The following DST variants were observed in gnomAD, a reference collection of about 807,000 sequenced individuals.
DST encodes dystonin, also known as bullous pemphigoid antigen.
DST carries 253 observed loss-of-function variants against 875.2 expected under a neutral mutation model. The observed-to-expected ratio is 0.29, with a 90% confidence interval of 0.26 to 0.32. The LOEUF is 0.32. Among genes scored for constraint, DST ranks in the 10% least tolerant of loss-of-function variants. The pLI, the probability that DST is intolerant of heterozygous loss-of-function variation, is 1.00. For synonymous variants in DST, 3,124 were observed against 3,197.1 expected, an observed-to-expected ratio of 0.98 and a Z score of 0.77; for missense variants, 8,287 against 9,111.6, an observed-to-expected ratio of 0.91 and a Z score of 3.68.
Position 56,477,581 on chromosome 6 carries a change from A to G in DST, c.21532-93T>C, listed in dbSNP as rs1236132277. On this transcript the variant is annotated intron_variant, in intron 90 of 103. Transcript: ENST00000680361. Reference sequence around the variant, plus strand: ...GTTTGACTGCCAGAATTAAACAAATAAACAAAAACTTCAATTGGTTTATTC... The same window carrying G: ...GTTTGACTGCCAGAATTAAACAAATGAACAAAAACTTCAATTGGTTTATTC... 2.7e-6 allele frequency: 4 copies of G among 1,503,446 alleles called. No homozygotes were observed. The African/African-American group carries it at 5.6e-5, about 21-fold the overall frequency. 93.1% of individuals were successfully genotyped at this position (1,503,446 alleles called of 1,614,324 possible). A position where few individuals can be genotyped will look rare whatever the true frequency, so the allele number is the denominator to read the frequency against.
intron 9 of DST, among the ~76,000 whole-genome samples, chr6:56,682,755 T>C (rs949028586): frequency 3.3e-5 from 5 of 152,164 alleles, no homozygotes; most frequent in Admixed American, 2.6e-4. Flanking sequence ...ACAACGTAAG[T>C]TTTGTTTCAC....
chr6:56,817,437 A>G (rs545593230), intron 4 of DST, among the ~76,000 whole-genome samples: 1 of 152,248 alleles, frequency 6.6e-6, no homozygotes, highest in African/African-American at 2.4e-5. Flanking sequence ...ATGTTTGGAA[A>G]GCAATTTATG....
At chr6:56,782,074 C>A (rs531777719) in intron 4 of DST, among the ~76,000 whole-genome samples, 64 of 152,132 alleles carry the variant, frequency 4.2e-4, no homozygotes, top group African/African-American at 1.5e-3. Context: ...GGATGAAACC[C>A]ACTTGATCAT....
chr6:56,532,257 T>C (rs2096908935), intron 64 of DST, 87 bp downstream of exon 64: 4 of 1,206,626 alleles, frequency 3.3e-6, no homozygotes, highest in Admixed American at 2.0e-5. Context: ...AAATCATGAT[T>C]TGAAGTATTA....
intron 4 of DST, among the ~76,000 whole-genome samples, chr6:56,831,577 T>C (rs941453954): frequency 6.6e-5 from 10 of 152,134 alleles, no homozygotes; most frequent in Admixed American, 3.3e-4. Flanking sequence ...CACTCACATA[T>C]AATGAGTGTA....
At chr6:56,613,796 A>G (rs1443778601) in intron 37 of DST, among the ~76,000 whole-genome samples, 1 of 152,210 alleles carries the variant, frequency 6.6e-6, no homozygotes, top group African/African-American at 2.4e-5. Flanking sequence ...TAGCCCGTTA[A>G]GACTAAAGAA....
Position 56,849,377 on chromosome 6 carries a change from C to T in DST, c.625+2020G>A, listed in dbSNP as rs370076984. Among the ~76,000 whole-genome samples, 13 of 152,138 alleles carry T rather than the reference C, an allele frequency of 8.5e-5. No homozygotes were observed. In the East Asian group the frequency reaches 2.1e-3, roughly 25 times the overall value. On this transcript the variant is annotated intron_variant, in intron 4 of 103. Transcript: ENST00000680361. ...GTCTCGATCTCTTGACCTCATGATC[C>T]GCCCACGGGGGCCTCCCAAAGTGCT...
chr6:56,570,822 A>G (rs188051039), intron 53 of DST, among the ~76,000 whole-genome samples: 39 of 152,356 alleles, frequency 2.6e-4, no homozygotes, highest in Middle Eastern at 3.4e-3. Flanking sequence ...CAGTTTGAAC[A>G]TTATTTACAT....
At chr6:56,770,512 C>A (rs1358369911) in intron 4 of DST, among the ~76,000 whole-genome samples, 1 of 152,170 alleles carries the variant, frequency 6.6e-6, no homozygotes, top group Non-Finnish European at 1.5e-5. Context: ...TGCCCTATTT[C>A]ATTCCATGCA....
At chr6:56,629,141 A>G in intron 32 of DST, 109 bp downstream of exon 32, 1 of 1,081,074 alleles carries the variant, frequency 9.3e-7, no homozygotes, top group South Asian at 1.4e-5. Flanking sequence ...ATTGTAATTA[A>G]CAAATTAACT....
rs113876344 is a variant in DST at position 56,630,044 on chromosome 6, G to C, written c.4281+201C>G. ...GACTATCAAAAGCTACTGTCAAAAG[G>C]GTTCAAACTTCAAATGAGAACTCTC... On this transcript the variant is annotated intron_variant, in intron 31 of 103. Transcript: ENST00000680361. 3.5e-3 allele frequency among the ~76,000 whole-genome samples: 538 copies of C among 152,104 alleles called. 2 individuals carry two copies. The highest frequency in any genetic ancestry group is 0.012 in the African/African-American group (517 of 41,490).
chr6:56,619,439 T>C, intron 36 of DST: 2 of 1,612,288 alleles, frequency 1.2e-6, no homozygotes, highest in African/African-American at 1.3e-5. Context: ...CTCAAATTGT[T>C]CTTTTAGATG....
At position 56,605,772 on chromosome 6, in the gene DST, T is replaced by C; in HGVS notation, c.8856A>G (p.Leu2952=). The change falls in exon 40 of 104, where the codon TTA becomes TTG. Residue 2952 remains leucine, a synonymous_variant. Coordinates refer to ENST00000680361, the MANE Select transcript of DST (RefSeq NM_001374736.1). ...CCTTTGTGTTTGCTAGATCAGTACC[T>C]AATTCAGAAGTTGAACTGATATTAT... ...DNNNISSTSE[L]GTDLANTKVK... 6.2e-7 allele frequency: 1 copy of C among 1,612,736 alleles called. No homozygotes were observed. Among genetic ancestry groups the C allele is most frequent in the Non-Finnish European group, 8.5e-7 (1 of 1,179,280 alleles).
At chr6:56,880,442 C>T (rs1390425509) in intron 3 of DST, among the ~76,000 whole-genome samples, 1 of 152,204 alleles carries the variant, frequency 6.6e-6, no homozygotes, top group African/African-American at 2.4e-5. Flanking sequence ...AATCCCAGCA[C>T]TTTGGGAAGC....
intron 13 of DST, among the ~76,000 whole-genome samples, chr6:56,648,143 C>T (rs2098954600): frequency 6.6e-6 from 1 of 152,106 alleles, no homozygotes; most frequent in African/African-American, 2.4e-5. Flanking sequence ...TCTTCCTGCA[C>T]AAAAGATGCT....
At chr6:56,727,212 C>T (rs1373699101) in intron 5 of DST, among the ~76,000 whole-genome samples, 2 of 152,206 alleles carry the variant, frequency 1.3e-5, no homozygotes, top group African/African-American at 2.4e-5. Flanking sequence ...CTGGAAGCCA[C>T]CTCCCCACTT....
At chr6:56,874,962 AAC>A (rs1169616135) in intron 3 of DST, among the ~76,000 whole-genome samples, 6 of 152,098 alleles carry the variant, frequency 3.9e-5, no homozygotes, top group Non-Finnish European at 8.8e-5. Context: ...TTCTATTTGG[AAC>A]CTAAGCCACA....
Position 56,498,002 on chromosome 6 carries a change from T to C in DST, c.19948A>G (p.Lys6650Glu). 1 of 1,613,514 alleles carries C rather than the reference T, an allele frequency of 6.2e-7. No homozygotes were observed. Among genetic ancestry groups the C allele is most frequent in the South Asian group, 1.1e-5 (1 of 91,050 alleles). Reference sequence around the variant, plus strand: ...GATTCAATTAGATCATTTCCTGCTTTATTAACGGCTTCCACTGTGGACTGA... The same window carrying C: ...GATTCAATTAGATCATTTCCTGCTTCATTAACGGCTTCCACTGTGGACTGA... Reference protein sequence around the residue: ...AHQSTVEAVNKAGNDLIESSA... With the variant: ...AHQSTVEAVNEAGNDLIESSA... Residue 6650 changes from lysine to glutamate, a missense_variant, in exon 81 of 104, where the codon AAA becomes GAA. By Grantham distance (56) the Lys-to-Glu change is moderately conservative (BLOSUM62 1). Around this residue, in one of 10 missense-constraint regions of DST, gnomAD observed 1,292 missense variants for 1,552.7 expected, o/e 0.83. Transcript: ENST00000680361.
chr6:56,793,095 A>G (rs2099732694), intron 4 of DST, among the ~76,000 whole-genome samples: 1 of 146,144 alleles, frequency 6.8e-6, no homozygotes. Flanking sequence ...AAAAAAAAAA[A>G]AAAAGCAAAA....
Sources: allele counts gnomAD v4.1 joint callset (sites outside exome capture counted in the v4.1 genomes callset), GRCh38; gene constraint gnomAD v4.1.1; regional missense constraint gnomAD v4.1.1; transcripts MANE v1.5; gene names NCBI Gene and HGNC (gene_info 2026-07-23, HGNC 2026-07-21).